SACS: variants seen among roughly 807,000 people sequenced by gnomAD.
The protein encoded by SACS is sacsin.
In SACS, 197 loss-of-function variants were observed where a neutral mutation model predicts 348.0. That is an observed-to-expected ratio of 0.57 (90% CI 0.50 to 0.64). The LOEUF is 0.64. SACS is among the 30% of genes least tolerant of loss of function. The pLI is 0.00. For synonymous variants in SACS, 1,985 were observed against 1,910.6 expected, an observed-to-expected ratio of 1.04 and a Z score of -1.02; for missense variants, 4,999 against 5,360.8, an observed-to-expected ratio of 0.93 and a Z score of 2.11.
chr13:23,329,234 C>A lies in SACS; in HGVS notation c.*902G>T. On this transcript the variant is annotated 3_prime_UTR_variant, in exon 10 of 10. Coordinates refer to ENST00000382292, the MANE Select transcript of SACS (RefSeq NM_014363.6). ...AAGTTAAAAAAACTCCACTACATGC[C>A]ATATTGAAAGAAAAGGTTGTTTTTT... The A allele has an allele frequency of 4.1e-6, 2 of 493,536 alleles. No homozygotes were observed. Among genetic ancestry groups the A allele is most frequent in the Non-Finnish European group, 7.1e-6 (2 of 282,764 alleles). 30.6% of individuals were successfully genotyped at this position (493,536 alleles called of 1,614,324 possible). A position where few individuals can be genotyped will look rare whatever the true frequency, so the allele number is the denominator to read the frequency against.
chr13:23,405,881 G>A (rs1337560286), intron 2 of SACS, among the ~76,000 whole-genome samples: 2 of 152,258 alleles, frequency 1.3e-5, no homozygotes, highest in South Asian at 2.1e-4. Context: ...TAAAAAGTCA[G>A]GAAACAACAG....
rs756532755 is a variant in SACS at position 23,330,124 on chromosome 13, C to T, written c.*12G>A. 4.9e-5 allele frequency: 78 copies of T among 1,601,688 alleles called. No individual in the cohort carries two copies. The highest frequency in any genetic ancestry group is 6.4e-5 in the Non-Finnish European group (75 of 1,173,612). ...CACATTCAAGATCTACCTTTTTTTT[C>T]GTTAAATATCTTCACACTTTTTGTT... On this transcript the variant is annotated 3_prime_UTR_variant, in exon 10 of 10. Transcript: ENST00000382292.
chr13:23,360,991 G>A (rs766570429), intron 6 of SACS, among the ~76,000 whole-genome samples: 4 of 152,088 alleles, frequency 2.6e-5, no homozygotes, highest in Non-Finnish European at 5.9e-5. Flanking sequence ...CTGACCTCAG[G>A]TGATCCACCT....
At chr13:23,407,493 C>T (rs1873280734) in intron 2 of SACS, among the ~76,000 whole-genome samples, 1 of 152,230 alleles carries the variant, frequency 6.6e-6, no homozygotes, top group African/African-American at 2.4e-5. Flanking sequence ...GCCACCACGC[C>T]CGGCCTGTTT....
At chr13:23,398,913 C>T (rs1407720092) in intron 2 of SACS, among the ~76,000 whole-genome samples, 1 of 149,234 alleles carries the variant, frequency 6.7e-6, no homozygotes, top group Non-Finnish European at 1.5e-5. Flanking sequence ...CCCAGCTACT[C>T]GGGAGGTTGA....
At position 23,353,860 on chromosome 13, in the gene SACS, G is replaced by T. The variant is rs767844042; in HGVS notation, c.2110C>A (p.Leu704Ile). The T allele has an allele frequency of 2.5e-6, 4 of 1,605,676 alleles. No homozygotes were observed. The highest frequency in any genetic ancestry group is 3.4e-6 in the Non-Finnish European group (4 of 1,172,536). ...AEYPRSLFPS[L>I]EGRFILDNLK... ...TTATCCAAAATAAATCTTCCTTCAA[G>T]ACTTGGGAAAAGGGACCTGAAAAGG... is the stretch of plus-strand genomic sequence containing the variant. The change falls in exon 9 of 10, where the codon CTT (leucine) becomes ATT (isoleucine). Residue 704 changes from leucine to isoleucine, a missense_variant. Leu to Ile is a conservative substitution (Grantham distance 5). Around this residue, in one of 6 missense-constraint regions of SACS, gnomAD observed 3,156 missense variants for 3,380.1 expected, o/e 0.93. Coordinates refer to ENST00000382292, the MANE Select transcript of SACS (RefSeq NM_014363.6).
chr13:23,412,102 A>G (rs1873508112), intron 1 of SACS, among the ~76,000 whole-genome samples: 1 of 152,140 alleles, frequency 6.6e-6, no homozygotes, highest in Non-Finnish European at 1.5e-5. Flanking sequence ...TACTAAAAAT[A>G]CAAAAAATTA....
chr13:23,344,294 C>A (rs1869460953), intron 9 of SACS, among the ~76,000 whole-genome samples: 1 of 152,148 alleles, frequency 6.6e-6, no homozygotes, highest in South Asian at 2.1e-4. Flanking sequence ...GATAATCTTA[C>A]CCAATAGCCT....
rs1873468485 is a variant in SACS, at chr13:23,411,245, C to A, written c.-6G>T. ...CTGTTCTCCTTGGTCTCCATGATCA[C>A]TTCTCCTGGGATATTTGTTTGTGAA... is the stretch of plus-strand genomic sequence containing the variant. On this transcript the variant is annotated 5_prime_UTR_variant, in exon 2 of 10. Coordinates refer to ENST00000382292, the MANE Select transcript of SACS (RefSeq NM_014363.6). 1 of 1,607,050 alleles carries A rather than the reference C, an allele frequency of 6.2e-7. No homozygotes were observed. Among genetic ancestry groups the A allele is most frequent in the Non-Finnish European group, 8.5e-7 (1 of 1,173,732 alleles).
Position 23,337,512 on chromosome 13 carries a change from T to C in SACS, c.6364A>G (p.Lys2122Glu), listed in dbSNP as rs755723511. 155 of 1,613,800 alleles carry C rather than the reference T, an allele frequency of 9.6e-5. 1 individual carries two copies. The highest frequency in any genetic ancestry group is 4.9e-4 in the South Asian group (45 of 91,060). Residue 2122 changes from lysine to glutamate, a missense_variant, in exon 10 of 10, where the codon AAG becomes GAG. Physicochemically the swap from Lys to Glu is moderately conservative, Grantham distance 56 (BLOSUM62 1). This residue lies in a region of SACS where 3,156 missense variants were observed against 3,380.1 expected (regional missense o/e 0.93). Transcript: ENST00000382292. ...CTCCCATCTTTAATATCAAATAACT[T>C]TGCAACTCGTCCTTCGGGGTGGATC... ...RLIHPEGRVA[K>E]LFDIKDGRFP...
rs1371868152 is a variant in SACS, at chr13:23,339,963, G to A, written c.3913C>T (p.His1305Tyr). The change falls in exon 10 of 10, where the codon CAT (histidine) becomes TAT (tyrosine). Residue 1305 changes from histidine (H) to tyrosine (Y), a missense_variant. Coordinates refer to ENST00000382292, the MANE Select transcript of SACS (RefSeq NM_014363.6). ...TTTGCCATGGTTTTAGGTACATTATGCAAATAAGGCTGAAGGTCAAGATCA... is the reference window on the plus strand; with the variant it reads ...TTTGCCATGGTTTTAGGTACATTATACAAATAAGGCTGAAGGTCAAGATCA... ...IHDLDLQPYLHNVPKTMAKFH... is the reference protein window; with the variant it reads ...IHDLDLQPYLYNVPKTMAKFH... 6.2e-7 allele frequency: 1 copy of A among 1,613,508 alleles called. No homozygotes were observed. Among genetic ancestry groups the A allele is most frequent in the African/African-American group, 1.3e-5 (1 of 74,896 alleles).
chr13:23,357,110 A>G (rs1194212145), intron 7 of SACS, among the ~76,000 whole-genome samples: 1 of 152,174 alleles, frequency 6.6e-6, no homozygotes, highest in Non-Finnish European at 1.5e-5. Flanking sequence ...TTCCACACAA[A>G]TGTGCTTATT....
chr13:23,393,906 G>A (rs781711858), intron 2 of SACS, among the ~76,000 whole-genome samples: 7 of 152,000 alleles, frequency 4.6e-5, no homozygotes, highest in Non-Finnish European at 1.0e-4. Flanking sequence ...GACTACAGGC[G>A]CCTGCCACCG....
At chr13:23,424,196 T>TGAA (rs1453836731) in intron 1 of SACS, among the ~76,000 whole-genome samples, 10 of 152,240 alleles carry the variant, frequency 6.6e-5, no homozygotes, top group African/African-American at 2.4e-4. Context: ...ATCTCCATTA[T>TGAA]ACAATTTCCA....
At chr13:23,407,662 T>C (rs904539255) in intron 2 of SACS, among the ~76,000 whole-genome samples, 1 of 152,158 alleles carries the variant, frequency 6.6e-6, no homozygotes, top group Non-Finnish European at 1.5e-5. Context: ...TGTCTGTTCT[T>C]TCATGAACAA....
intron 1 of SACS, among the ~76,000 whole-genome samples, chr13:23,430,258 C>CA (rs1874382678): frequency 6.6e-6 from 1 of 151,778 alleles, no homozygotes; most frequent in Admixed American, 6.6e-5. Context: ...GTGTAATTGA[C>CA]AAAAAACTCA....
intron 3 of SACS, among the ~76,000 whole-genome samples, chr13:23,374,415 CTT>C (rs1566091173): frequency 6.6e-6 from 1 of 152,144 alleles, no homozygotes; most frequent in Non-Finnish European, 1.5e-5. Context: ...CTGTTCAACT[CTT>C]TGTGACTCTT....
At chr13:23,405,858 G>A (rs112097337) in intron 2 of SACS, among the ~76,000 whole-genome samples, 4 of 152,182 alleles carry the variant, frequency 2.6e-5, no homozygotes, top group Non-Finnish European at 4.4e-5. Context: ...ATGCCAGTTA[G>A]AATGGTGATC....
At chr13:23,367,575 T>G (rs964965671) in intron 5 of SACS, among the ~76,000 whole-genome samples, 6 of 152,196 alleles carry the variant, frequency 3.9e-5, no homozygotes, top group Admixed American at 1.3e-4. Context: ...ATTATTGGTT[T>G]TTCTTTTTTT....
Sources: gnomAD v4.1 joint callset for allele counts (sites outside exome capture counted in the v4.1 genomes callset) on GRCh38, gnomAD v4.1.1 for gene constraint, gnomAD v4.1.1 regional missense constraint, MANE v1.5 for transcripts, NCBI Gene and HGNC (gene_info 2026-07-23, HGNC 2026-07-21) for gene names.